ADGRD1: variants seen among roughly 807,000 people sequenced by gnomAD.
ADGRD1 encodes the protein G-protein coupled receptor 133.
A neutral mutation model predicts 113.4 loss-of-function variants in ADGRD1; 77 were observed. The observed-to-expected ratio is 0.68, with a 90% CI of 0.57 to 0.82. ADGRD1 has a LOEUF of 0.82. ADGRD1 is among the 40% of genes least tolerant of loss of function. The probability of loss-of-function intolerance (pLI) is 0.00; values close to 1 mark genes in which losing one functional copy is unlikely to be tolerated. For synonymous variants in ADGRD1, 474 were observed against 475.0 expected (o/e 1.00, Z 0.03); for missense variants, 1,036 against 1,139.1 (o/e 0.91, Z 1.30).
At chr12:130,998,008 C>T (rs1343984183) in intron 8 of ADGRD1, among the ~76,000 whole-genome samples, 1 of 152,158 alleles carries the variant, frequency 6.6e-6, no homozygotes, top group Non-Finnish European at 1.5e-5. Flanking sequence ...TGGAGACCAG[C>T]CTGGCCAACA....
At chr12:131,053,102 T>C (rs1454293833) in intron 13 of ADGRD1, among the ~76,000 whole-genome samples, 2 of 152,198 alleles carry the variant, frequency 1.3e-5, no homozygotes, top group Admixed American at 1.3e-4. Flanking sequence ...CTCGGTCAGA[T>C]CGGGGCACTG....
chr12:130,981,992 G>C lies in ADGRD1; in HGVS notation c.419G>C (p.Gly140Ala). 1.2e-6 allele frequency: 2 copies of C among 1,614,002 alleles called. No individual in the cohort carries two copies. Among genetic ancestry groups the C allele is most frequent in the Non-Finnish European group, 1.7e-6 (2 of 1,179,850 alleles). Residue 140 changes from glycine to alanine, a missense_variant, in exon 5 of 25, where the codon GGT becomes GCT. Coordinates refer to ENST00000261654, the MANE Select transcript of ADGRD1 (RefSeq NM_198827.5). ...ISNGFKVCSS[G>A]GRGSVELYTR... The stretch of plus-strand genomic sequence containing the variant: ...AATGGGTTCAAAGTCTGCTCCAGCG[G>C]TGGCAGAGGCTCTGTGGAGCTGTAT...
At chr12:131,076,314 T>G (rs1167809775) in intron 13 of ADGRD1, among the ~76,000 whole-genome samples, 2 of 152,172 alleles carry the variant, frequency 1.3e-5, no homozygotes, top group African/African-American at 2.4e-5. Flanking sequence ...ATATGTAATA[T>G]GCCACATGGT....
intron 15 of ADGRD1, among the ~76,000 whole-genome samples, chr12:131,102,672 A>G (rs1331167416): frequency 1.3e-5 from 2 of 152,294 alleles, no homozygotes; most frequent in Admixed American, 6.5e-5. Flanking sequence ...AGGGGAAGCC[A>G]AGATGGAGGC....
At chr12:131,097,799 G>C (rs541023721) in intron 15 of ADGRD1, among the ~76,000 whole-genome samples, 49 of 152,352 alleles carry the variant, frequency 3.2e-4, no homozygotes, top group African/African-American at 1.2e-3. Context: ...CAGATGGTTG[G>C]TTCAAGGGCT....
chr12:130,977,448 A>C (rs1033728476), intron 4 of ADGRD1: 1 of 152,248 alleles, frequency 6.6e-6, no homozygotes, highest in Non-Finnish European at 1.5e-5. Flanking sequence ...CACACCAGGC[A>C]CAGGGCCCAT....
chr12:131,028,989 C>T (rs1356019529), intron 13 of ADGRD1, among the ~76,000 whole-genome samples: 2 of 152,240 alleles, frequency 1.3e-5, no homozygotes, highest in Non-Finnish European at 2.9e-5. Flanking sequence ...GCAGTGCCGC[C>T]TCTCCCACGC....
Position 131,005,962 on chromosome 12 carries a change from CTCTCT to C in ADGRD1, c.1256-9_1256-5del. 1.2e-6 allele frequency: 2 copies of C among 1,609,622 alleles called. No individual in the cohort carries two copies. Among genetic ancestry groups the C allele is most frequent in the Non-Finnish European group, 8.5e-7 (1 of 1,179,414 alleles). ...CGCTGACAGCGCCTGCCCCTCTGCT[CTCTCT>C]GCAGCCTGGAGCACCGTCGTGGGTC... On this transcript the variant is annotated splice_region_variant and splice_polypyrimidine_tract_variant and intron_variant, in intron 11 of 24. Coordinates refer to ENST00000261654, the MANE Select transcript of ADGRD1 (RefSeq NM_198827.5).
chr12:131,004,314 G>T lies in ADGRD1; in HGVS notation c.1255+18G>T. On this transcript the variant is annotated intron_variant, in intron 11 of 24. Transcript: ENST00000261654. ...CAGGCACGGTGAGTGTGGCTGCGCT[G>T]GACTCCCTTCCGGGGCGGCTCCCTC... 1 of 1,532,440 alleles carries T rather than the reference G, an allele frequency of 6.5e-7. No individual in the cohort carries two copies. Among genetic ancestry groups the T allele is most frequent in the Non-Finnish European group, 9.0e-7 (1 of 1,106,620 alleles). The allele number at this position is 1,532,440 out of a possible 1,614,324, so 94.9% of individuals were successfully genotyped here.
intron 14 of ADGRD1, among the ~76,000 whole-genome samples, chr12:131,078,119 T>C (rs930602871): frequency 1.3e-5 from 2 of 152,210 alleles, no homozygotes; most frequent in Non-Finnish European, 2.9e-5. Flanking sequence ...ACACAGGCTG[T>C]GCCACCTCTG....
rs1251479590 is a variant in ADGRD1 at position 131,060,071 on chromosome 12, G to A, written c.1474-16730G>A. ...ATGTGCCGCAGTACTGCGGCGTGGGGGTGAAAGTCCGAGTGCCTGCTCTGT... is the reference window on the plus strand; with the variant it reads ...ATGTGCCGCAGTACTGCGGCGTGGGAGTGAAAGTCCGAGTGCCTGCTCTGT... On this transcript the variant is annotated intron_variant, in intron 13 of 24. Coordinates refer to ENST00000261654, the MANE Select transcript of ADGRD1 (RefSeq NM_198827.5). The surrounding 1 kb of genome is among the most constrained non-coding windows in gnomAD (Gnocchi z 4.4). Among the ~76,000 whole-genome samples, 1 of 152,244 alleles carries A rather than the reference G, an allele frequency of 6.6e-6. No individual in the cohort carries two copies. The highest frequency in any genetic ancestry group is 2.4e-5 in the African/African-American group (1 of 41,464).
At chr12:131,133,159 G>A (rs922018861) in intron 21 of ADGRD1, among the ~76,000 whole-genome samples, 1 of 151,968 alleles carries the variant, frequency 6.6e-6, no homozygotes, top group Non-Finnish European at 1.5e-5. Flanking sequence ...GGAGGGACCT[G>A]TCCCTTCCTC....
chr12:131,073,671 C>T (rs1438455430), intron 13 of ADGRD1, among the ~76,000 whole-genome samples: 1 of 152,116 alleles, frequency 6.6e-6, no homozygotes, highest in Non-Finnish European at 1.5e-5. Flanking sequence ...TTTTGGCTCG[C>T]AGTTCTGGAG....
At chr12:130,994,291 A>G (rs537060369) in intron 8 of ADGRD1, 13 of 443,500 alleles carry the variant, frequency 2.9e-5, no homozygotes, top group Middle Eastern at 3.3e-4. Flanking sequence ...TAATACGAAC[A>G]CTCTTGTTTT....
chr12:131,027,699 G>GGGAA lies in ADGRD1; in HGVS notation c.1473+13360_1473+13361insGAAG, dbSNP rs1342371738. On this transcript the variant is annotated intron_variant, in intron 13 of 24. Coordinates refer to ENST00000261654, the MANE Select transcript of ADGRD1 (RefSeq NM_198827.5). This position sits in a 1 kb window ranked among gnomAD's most constrained non-coding sequence, Gnocchi z 5.1. ...CACAGAGAAACAAATTAGAGCTAGGGGTTCAGGGTTACTCAGACCAAACTT... is the reference window on the plus strand; with the variant it reads ...CACAGAGAAACAAATTAGAGCTAGGGGGAAGTTCAGGGTTACTCAGACCAAACTT... 2 of 152,148 alleles carry GGGAA rather than the reference G, an allele frequency of 1.3e-5. No homozygotes were observed. Among genetic ancestry groups the GGGAA allele is most frequent in the African/African-American group, 4.8e-5 (2 of 41,432 alleles). 9.4% of individuals were successfully genotyped at this position (152,148 alleles called of 1,614,324 possible). A position where few individuals can be genotyped will look rare whatever the true frequency, so the allele number is the denominator to read the frequency against.
chr12:131,045,333 T>C (rs1478199968), intron 13 of ADGRD1, among the ~76,000 whole-genome samples: 1 of 152,192 alleles, frequency 6.6e-6, no homozygotes, highest in Non-Finnish European at 1.5e-5. Context: ...AGGGATCTCG[T>C]CTTCTCCCGA....
At chr12:131,066,895 C>T (rs1184185903) in intron 13 of ADGRD1, among the ~76,000 whole-genome samples, 1 of 152,116 alleles carries the variant, frequency 6.6e-6, no homozygotes, top group African/African-American at 2.4e-5. Flanking sequence ...TTTCCGGGCC[C>T]GGGGGCAACT....
chr12:130,986,035 T>C (rs1481452119), intron 5 of ADGRD1, among the ~76,000 whole-genome samples: 1 of 151,988 alleles, frequency 6.6e-6, no homozygotes, highest in African/African-American at 2.4e-5. Flanking sequence ...TCTGTTTTTT[T>C]CCAATGCCAC....
chr12:131,079,571 T>G (rs936944175), intron 14 of ADGRD1, among the ~76,000 whole-genome samples: 3 of 152,222 alleles, frequency 2.0e-5, no homozygotes, highest in African/African-American at 7.2e-5. Context: ...TTTCTTCCAT[T>G]TTAGTAGAAT....
Sources: allele counts gnomAD v4.1 joint callset (sites outside exome capture counted in the v4.1 genomes callset), GRCh38; gene constraint gnomAD v4.1.1; non-coding constraint Gnocchi (gnomAD v3.1); transcripts MANE v1.5; gene names NCBI Gene and HGNC (gene_info 2026-07-23, HGNC 2026-07-21).